PRKN: variants seen among roughly 807,000 people sequenced by gnomAD.
The protein encoded by PRKN is parkin RBR E3 ubiquitin protein ligase.
In PRKN, 56 loss-of-function variants were observed where a neutral mutation model predicts 59.5. The observed-to-expected ratio is 0.94, with a 90% confidence interval of 0.76 to 1.18. The LOEUF (loss-of-function observed/expected upper bound fraction) is 1.18. Ranked by LOEUF, PRKN falls within the 50% of genes most tolerant of loss-of-function variation. PRKN has a pLI of 0.00. For synonymous variants in PRKN, 250 were observed against 222.1 expected (o/e 1.13, Z -1.12); for missense variants, 657 against 596.4 (o/e 1.10, Z -1.06).
chr6:161,636,787 G>C (rs1422600048), intron 7 of PRKN, among the ~76,000 whole-genome samples: 1 of 152,028 alleles, frequency 6.6e-6, no homozygotes, highest in African/African-American at 2.4e-5. Flanking sequence ...AGAAATACAG[G>C]CCTGTGGTCC....
At chr6:162,380,727 A>T (rs531351419) in intron 2 of PRKN, among the ~76,000 whole-genome samples, 1 of 150,886 alleles carries the variant, frequency 6.6e-6, no homozygotes, top group East Asian at 1.9e-4. Context: ...TCTACTGTTT[A>T]AAAAAAAACC....
rs1791171441 is a variant in PRKN at position 161,803,401 on chromosome 6, G to A, written c.735-17493C>T. Among the ~76,000 whole-genome samples, 5 of 152,302 alleles carry A rather than the reference G, an allele frequency of 3.3e-5. No homozygotes were observed. The South Asian group carries it at 6.2e-4, about 19-fold the overall frequency. On this transcript the variant is annotated intron_variant, in intron 6 of 11. Coordinates refer to ENST00000366898, the MANE Select transcript of PRKN (RefSeq NM_004562.3). Reference sequence around the variant, plus strand: ...AGCTTCCTTTGCCAATAGGATAGTAGTGTATGTGACATAATCCAGTACGTG... The same window carrying A: ...AGCTTCCTTTGCCAATAGGATAGTAATGTATGTGACATAATCCAGTACGTG...
At chr6:162,040,166 C>G (rs1784006914) in intron 5 of PRKN, among the ~76,000 whole-genome samples, 2 of 152,132 alleles carry the variant, frequency 1.3e-5, no homozygotes, top group Non-Finnish European at 2.9e-5. Context: ...TTAGCCATCT[C>G]TCTCCATTTC....
intron 7 of PRKN, among the ~76,000 whole-genome samples, chr6:161,699,130 G>A (rs1264948537): frequency 1.3e-5 from 2 of 152,048 alleles, no homozygotes; most frequent in African/African-American, 4.8e-5. Context: ...CATGAAAAGA[G>A]GCTCAACATC....
intron 7 of PRKN, among the ~76,000 whole-genome samples, chr6:161,778,630 C>G (rs1348893359): frequency 2.6e-5 from 4 of 152,128 alleles, no homozygotes; most frequent in Admixed American, 6.5e-5. Context: ...AGATTCCATA[C>G]GTCAAAGACA....
At chr6:162,207,392 A>G (rs1784993905) in intron 3 of PRKN, among the ~76,000 whole-genome samples, 1 of 152,064 alleles carries the variant, frequency 6.6e-6, no homozygotes, top group Non-Finnish European at 1.5e-5. Flanking sequence ...AAAGAAAAAG[A>G]TGGGGATAAC....
chr6:162,245,366 A>G (rs1409713290), intron 3 of PRKN, among the ~76,000 whole-genome samples: 1 of 152,052 alleles, frequency 6.6e-6, no homozygotes, highest in Non-Finnish European at 1.5e-5. Flanking sequence ...ATTAAATTGC[A>G]TATTTACCTA....
intron 7 of PRKN, among the ~76,000 whole-genome samples, chr6:161,583,781 A>G (rs1438339983): frequency 3.9e-5 from 6 of 152,204 alleles, no homozygotes; most frequent in Non-Finnish European, 8.8e-5. Flanking sequence ...TTCATGTCAA[A>G]TGATACAGAC....
chr6:162,010,237 T>C (rs1158430223), intron 5 of PRKN, among the ~76,000 whole-genome samples: 2 of 120,920 alleles, frequency 1.7e-5, no homozygotes, highest in Admixed American at 9.6e-5. Context: ...ATATATTTTA[T>C]ATATTTATTA....
rs924361424 is a variant in PRKN at position 161,457,258 on chromosome 6, T to C, written c.1084-70381A>G. ...CTACACATGTGTCTCTGTTAAGCAC[T>C]TTGCAAGGAGGATGGGCAGCTGGGC... On this transcript the variant is annotated intron_variant, in intron 9 of 11. Transcript: ENST00000366898. This position sits in a 1 kb window ranked among gnomAD's most constrained non-coding sequence, Gnocchi z 5.0. Among the ~76,000 whole-genome samples the C allele has an allele frequency of 6.6e-6, 1 of 152,168 alleles. No individual in the cohort carries two copies. The highest frequency in any genetic ancestry group is 1.5e-5 in the Non-Finnish European group (1 of 68,030).
intron 9 of PRKN, among the ~76,000 whole-genome samples, chr6:161,439,720 A>T (rs1298831525): frequency 6.6e-6 from 1 of 152,014 alleles, no homozygotes; most frequent in East Asian, 1.9e-4. Context: ...TTTATTGCTT[A>T]CTGCGCATCT....
At chr6:162,612,069 T>A (rs1583905733) in intron 1 of PRKN, among the ~76,000 whole-genome samples, 1 of 150,196 alleles carries the variant, frequency 6.7e-6, no homozygotes, top group African/African-American at 2.4e-5. Flanking sequence ...GGCGGGCGCC[T>A]GTAGTCCCAG....
At chr6:161,892,412 AAATAAAT>A in intron 6 of PRKN, among the ~76,000 whole-genome samples, 1 of 151,962 alleles carries the variant, frequency 6.6e-6, no homozygotes, top group East Asian at 1.9e-4. Flanking sequence ...CCAAAAAAAA[AAATAAAT>A]AAGATTAGTT....
chr6:162,078,749 A>G (rs1778934903), intron 4 of PRKN, among the ~76,000 whole-genome samples: 1 of 152,078 alleles, frequency 6.6e-6, no homozygotes, highest in South Asian at 2.1e-4. Flanking sequence ...TGTGCCACAA[A>G]CCATAAACTT....
At chr6:161,886,028 C>T (rs575675543) in intron 6 of PRKN, among the ~76,000 whole-genome samples, 1 of 152,080 alleles carries the variant, frequency 6.6e-6, no homozygotes, top group Non-Finnish European at 1.5e-5. Flanking sequence ...TGAATCTTCT[C>T]CAAACAAGTG....
chr6:162,271,019 T>G (rs985986156), intron 2 of PRKN, among the ~76,000 whole-genome samples: 14 of 146,210 alleles, frequency 9.6e-5, no homozygotes, highest in Admixed American at 4.1e-4. Flanking sequence ...TTTTCTAGTT[T>G]TTTTTTTTTT....
rs545660249 is a variant in PRKN, at chr6:162,180,274, C to T, written c.534+20857G>A. Among the ~76,000 whole-genome samples the T allele has an allele frequency of 1.1e-4, 17 of 152,174 alleles. No homozygotes were observed. The East Asian group carries it at 3.3e-3, about 29-fold the overall frequency. ...TACAGTCAATAATAACTTAATCGTACATTTAAACTTAAAGAGCGTAATTGC... is the reference window on the plus strand; with the variant it reads ...TACAGTCAATAATAACTTAATCGTATATTTAAACTTAAAGAGCGTAATTGC... On this transcript the variant is annotated intron_variant, in intron 4 of 11. Transcript: ENST00000366898.
At chr6:162,051,851 A>C (rs1777658833) in intron 5 of PRKN, among the ~76,000 whole-genome samples, 2 of 152,164 alleles carry the variant, frequency 1.3e-5, no homozygotes, top group South Asian at 2.1e-4. Flanking sequence ...AGGGGACCCA[A>C]GGGGTGTCAG....
At chr6:162,272,220 G>T (rs559366247) in intron 2 of PRKN, among the ~76,000 whole-genome samples, 1 of 152,252 alleles carries the variant, frequency 6.6e-6, no homozygotes. Context: ...AGCATGTAGG[G>T]TCGGGATTTC....
Sources: gnomAD v4.1 joint callset for allele counts (sites outside exome capture counted in the v4.1 genomes callset) on GRCh38, gnomAD v4.1.1 for gene constraint, Gnocchi (gnomAD v3.1) non-coding constraint, MANE v1.5 for transcripts, NCBI Gene and HGNC (gene_info 2026-07-23, HGNC 2026-07-21) for gene names.